The following ZDHHC1 variants were observed in gnomAD, a reference collection of about 807,000 sequenced individuals.
ZDHHC1 encodes the protein palmitoyltransferase ZDHHC1.
Under a neutral mutation model 46.9 loss-of-function variants are expected in ZDHHC1, and 45 were observed. That is an observed-to-expected ratio of 0.96 (90% confidence interval 0.76 to 1.23). ZDHHC1 has a LOEUF of 1.23. Ranked by LOEUF, ZDHHC1 falls within the 50% of genes most tolerant of loss-of-function variation. The pLI is 0.00. For missense variants in ZDHHC1, 649 were observed against 670.8 expected (o/e 0.97, Z 0.36); for synonymous variants, 291 against 286.0 (o/e 1.02, Z -0.18).
intron 8 of ZDHHC1, chr16:67,396,386 C>G (rs2040432583): frequency 6.6e-6 from 1 of 152,260 alleles, no homozygotes; most frequent in Admixed American, 6.5e-5. Context: ...GGGGTGGGAG[C>G]CGGGAGGGGT....
Position 67,398,619 on chromosome 16 carries a change from C to G in ZDHHC1, c.768G>C (p.Leu256=), listed in dbSNP as rs139347209. 1.9e-6 allele frequency: 3 copies of G among 1,606,108 alleles called. No homozygotes were observed. Among genetic ancestry groups the G allele is most frequent in the Non-Finnish European group, 2.5e-6 (3 of 1,177,168 alleles). ...LAALLILLGL[L]STALLGHLLC... ...GCAGGTGCCCCAGGAGGGCTGTGGA[C>G]AGGAGGCCCAGAAGGATGAGCAGGG... Residue 256 remains leucine (L), a synonymous_variant, in exon 7 of 12, where the codon CTG becomes CTC. Transcript: ENST00000565726.
intron 8 of ZDHHC1, 108 bp downstream of exon 8, chr16:67,398,104 G>T: frequency 9.2e-7 from 1 of 1,083,774 alleles, no homozygotes; most frequent in Non-Finnish European, 1.4e-6. Flanking sequence ...GCTGCCCCCA[G>T]CGGCTGTTCC....
intron 10 of ZDHHC1, 29 bp downstream of exon 10, chr16:67,395,158 G>C (rs2040401230): frequency 6.2e-7 from 1 of 1,613,062 alleles, no homozygotes; most frequent in Non-Finnish European, 8.5e-7. Flanking sequence ...ACTCCACCTG[G>C]ACCGGAGGCC....
intron 1 of ZDHHC1, among the ~76,000 whole-genome samples, chr16:67,410,539 C>T (rs973508048): frequency 6.6e-6 from 1 of 152,158 alleles, no homozygotes; most frequent in African/African-American, 2.4e-5. Flanking sequence ...TTATCCCCCA[C>T]AAGGTGAAAG....
chr16:67,404,487 G>A, intron 3 of ZDHHC1: 3 of 327,370 alleles, frequency 9.2e-6, no homozygotes, highest in South Asian at 2.5e-5. Flanking sequence ...GAGAGAGCCT[G>A]CAGAAAGAAG....
chr16:67,408,530 A>G (rs2040701452), intron 1 of ZDHHC1, among the ~76,000 whole-genome samples: 1 of 152,056 alleles, frequency 6.6e-6, no homozygotes, highest in Non-Finnish European at 1.5e-5. Context: ...GCTGTCACCC[A>G]GGCTGGAGTG....
At chr16:67,407,701 T>C in intron 2 of ZDHHC1, 66 bp downstream of exon 2, 1 of 779,084 alleles carries the variant, frequency 1.3e-6, no homozygotes, top group Non-Finnish European at 2.4e-6. Flanking sequence ...AGGCAGCAAA[T>C]GTGCTGGGTG....
intron 3 of ZDHHC1, among the ~76,000 whole-genome samples, chr16:67,403,007 G>T (rs2040582635): frequency 6.6e-6 from 1 of 152,180 alleles, no homozygotes; most frequent in Non-Finnish European, 1.5e-5. Flanking sequence ...ATAACCAAAT[G>T]ACCTCATCTA....
chr16:67,409,524 C>T (rs1285649449), intron 1 of ZDHHC1, among the ~76,000 whole-genome samples: 1 of 152,240 alleles, frequency 6.6e-6, no homozygotes, highest in Admixed American at 6.5e-5. Context: ...GGCCAGCCCA[C>T]TCTTCACTGA....
rs544935808 is a variant in ZDHHC1 at position 67,407,917 on chromosome 16, C to T, written c.-38-104G>A. ...TGCCTTCCATCCATCCAGCCCTGCC[C>T]TCTTTCTGCAGGGTCGTGAACCCAT... On this transcript the variant is annotated intron_variant, in intron 1 of 11. Transcript: ENST00000565726. The T allele has an allele frequency of 4.8e-4, 328 of 682,546 alleles. 2 individuals carry two copies. The highest frequency in any genetic ancestry group is 2.9e-4 in the Admixed American group (14 of 48,418). The allele number at this position is 682,546 out of a possible 1,614,324, so 42.3% of individuals were successfully genotyped here.
At chr16:67,409,801 C>T (rs947185478) in intron 1 of ZDHHC1, among the ~76,000 whole-genome samples, 6 of 152,344 alleles carry the variant, frequency 3.9e-5, no homozygotes, top group African/African-American at 1.4e-4. Flanking sequence ...CAGCACTTAT[C>T]GGAGCCCAGC....
At chr16:67,403,754 G>A (rs2040599032) in intron 3 of ZDHHC1, among the ~76,000 whole-genome samples, 1 of 152,078 alleles carries the variant, frequency 6.6e-6, no homozygotes, top group Admixed American at 6.5e-5. Context: ...AACTGGGATT[G>A]CAGGCGTGTG....
chr16:67,403,403 AGGCT>A (rs2040589831), intron 3 of ZDHHC1, among the ~76,000 whole-genome samples: 1 of 152,216 alleles, frequency 6.6e-6, no homozygotes, highest in Non-Finnish European at 1.5e-5. Context: ...ACAAATCTGC[AGGCT>A]GGACTGGCCC....
Position 67,401,380 on chromosome 16 carries a change from T to A in ZDHHC1, c.253-248A>T, listed in dbSNP as rs752722619. 1.3e-5 allele frequency among the ~76,000 whole-genome samples: 2 copies of A among 152,226 alleles called. No homozygotes were observed. The highest frequency in any genetic ancestry group is 2.9e-5 in the Non-Finnish European group (2 of 68,042). On this transcript the variant is annotated intron_variant, in intron 3 of 11. Coordinates refer to ENST00000565726, the MANE Select transcript of ZDHHC1 (RefSeq NM_001323627.2). This position sits in a 1 kb window ranked among gnomAD's most constrained non-coding sequence, Gnocchi z 4.6. ...CACAGCCAGCCAGCAGTGCCTGCTG[T>A]CGCCACCTAGGTGCCCAATCGCAGG...
rs1418014086 is a variant in ZDHHC1 at position 67,401,088 on chromosome 16, G to A, written c.297C>T (p.Thr99=). Residue 99 remains threonine, a synonymous_variant, in exon 4 of 12, where the codon ACC becomes ACT. Transcript: ENST00000565726. The surrounding 1 kb of genome is among the most constrained non-coding windows in gnomAD (Gnocchi z 4.6). ...CATCTGCTGGATCGATGGAGACGGCGGTCAGGTGCACCACAAGGTGGCCAG... is the reference window on the plus strand; with the variant it reads ...CATCTGCTGGATCGATGGAGACGGCAGTCAGGTGCACCACAAGGTGGCCAG... ...IFAGHLVVHL[T]AVSIDPADAN... The A allele has an allele frequency of 3.5e-5, 57 of 1,613,932 alleles. No homozygotes were observed. The highest frequency in any genetic ancestry group is 8.9e-5 in the East Asian group (4 of 44,898).
Position 67,406,230 on chromosome 16 carries a change from C to G in ZDHHC1, c.222G>C (p.Leu74=). 4 of 1,613,598 alleles carry G rather than the reference C, an allele frequency of 2.5e-6. No individual in the cohort carries two copies. The Admixed American group carries it at 6.7e-5, about 27-fold the overall frequency. ...VIGFGILVPL[L]PHHWVPAGYA... ...AGCCAGCGGGCACCCAGTGGTGAGG[C>G]AGGAGGGGAACAAGGATCCCAAAGC... The change falls in exon 3 of 12, where the codon CTG becomes CTC. Residue 74 remains leucine (L), a synonymous_variant. Transcript: ENST00000565726. This position sits in a 1 kb window ranked among gnomAD's most constrained non-coding sequence, Gnocchi z 4.1.
rs1479524605 is a variant in ZDHHC1 at position 67,401,105 on chromosome 16, G to A, written c.280C>T (p.Leu94Phe). ...ACMGAIFAGH[L>F]VVHLTAVSID... The stretch of plus-strand genomic sequence containing the variant: ...GAGACGGCGGTCAGGTGCACCACAA[G>A]GTGGCCAGCAAAGATGGCGCCCATG... The change falls in exon 4 of 12, where the codon CTT (leucine) becomes TTT (phenylalanine). Residue 94 changes from leucine (L) to phenylalanine (F), a missense_variant. Leu to Phe is a conservative substitution (Grantham distance 22, BLOSUM62 0). Transcript: ENST00000565726. The surrounding 1 kb of genome is among the most constrained non-coding windows in gnomAD (Gnocchi z 4.6). 1 of 1,613,930 alleles carries A rather than the reference G, an allele frequency of 6.2e-7. No individual in the cohort carries two copies. The highest frequency in any genetic ancestry group is 1.3e-5 in the African/African-American group (1 of 74,922).
At chr16:67,405,437 C>T (rs977746012) in intron 3 of ZDHHC1, among the ~76,000 whole-genome samples, 1 of 152,188 alleles carries the variant, frequency 6.6e-6, no homozygotes, top group Non-Finnish European at 1.5e-5. Context: ...CACCCTTAGA[C>T]CGCCCTCACC....
At chr16:67,400,134 G>C (rs1201821226) in intron 4 of ZDHHC1, among the ~76,000 whole-genome samples, 1 of 152,216 alleles carries the variant, frequency 6.6e-6, no homozygotes, top group African/African-American at 2.4e-5. Flanking sequence ...CTCGGAAAGT[G>C]TGCTGGCGGG....
Sources: allele counts gnomAD v4.1 joint callset (sites outside exome capture counted in the v4.1 genomes callset), GRCh38; gene constraint gnomAD v4.1.1; non-coding constraint Gnocchi (gnomAD v3.1); transcripts MANE v1.5; gene names NCBI Gene and HGNC (gene_info 2026-07-23, HGNC 2026-07-21).